Variants in ECHDC3 observed in about 807,000 individuals in gnomAD.
ECHDC3 encodes the protein enoyl-CoA hydratase domain containing 3, also known as enoyl-CoA hydratase domain-containing protein 3, mitochondrial.
In ECHDC3, 20 loss-of-function variants were observed where a neutral mutation model predicts 17.9. The observed-to-expected ratio is 1.12, with a 90% confidence interval of 0.79 to 1.63. The LOEUF (loss-of-function observed/expected upper bound fraction) is 1.63. Ranked by LOEUF, ECHDC3 falls within the 40% of genes most tolerant of loss-of-function variation. The pLI is 0.00. For synonymous variants in ECHDC3, 177 were observed against 149.7 expected (o/e 1.18, Z -1.33); for missense variants, 407 against 357.7 (o/e 1.14, Z -1.11).
chr10:11,756,008 A>G lies in ECHDC3; in HGVS notation c.591+400A>G, dbSNP rs573101071. 6.6e-5 allele frequency among the ~76,000 whole-genome samples: 10 copies of G among 152,376 alleles called. No individual in the cohort carries two copies. In the East Asian group the frequency reaches 9.6e-4, roughly 15 times the overall value. On this transcript the variant is annotated intron_variant, in intron 4 of 4. Coordinates refer to ENST00000379215, the MANE Select transcript of ECHDC3 (RefSeq NM_024693.5). ...CCATGAGATAGAATAGCGTACTGAC[A>G]TAATGCCAGTATCAAGAGCCTAGGA... is the stretch of plus-strand genomic sequence containing the variant.
In ECHDC3 at chr10:11,763,789, A is replaced by G. The variant is rs1588467250; in HGVS notation, c.*245A>G. 3 of 1,286,764 alleles carry G rather than the reference A, an allele frequency of 2.3e-6. No homozygotes were observed. The highest frequency in any genetic ancestry group is 3.0e-6 in the Non-Finnish European group (3 of 1,016,116). 79.7% of individuals were successfully genotyped at this position (1,286,764 alleles called of 1,614,324 possible). A position where few individuals can be genotyped will look rare whatever the true frequency, so the allele number is the denominator to read the frequency against. ...CCTGCAGCGGGCCAGCTATGGTGGGAAGCCTGGCATTTGGGGTGCTCCTTG... is the reference window on the plus strand; with the variant it reads ...CCTGCAGCGGGCCAGCTATGGTGGGGAGCCTGGCATTTGGGGTGCTCCTTG... On this transcript the variant is annotated 3_prime_UTR_variant, in exon 5 of 5. Coordinates refer to ENST00000379215, the MANE Select transcript of ECHDC3 (RefSeq NM_024693.5). The surrounding 1 kb of genome is among the most constrained non-coding windows in gnomAD (Gnocchi z 4.9).
intron 4 of ECHDC3, among the ~76,000 whole-genome samples, chr10:11,762,105 A>G (rs10752235): frequency 0.94 from 142,023 of 151,884 alleles, 67,209 homozygotes; most frequent in East Asian, 1. Flanking sequence ...TGGAGTTTAC[A>G]TGCTACAAAG....
intron 3 of ECHDC3, among the ~76,000 whole-genome samples, chr10:11,753,253 T>C (rs10159721): frequency 0.93 from 141,899 of 152,022 alleles, 67,070 homozygotes; most frequent in East Asian, 1. Flanking sequence ...TATGGTGGTG[T>C]ACACTTGTAA....
intron 2 of ECHDC3, among the ~76,000 whole-genome samples, chr10:11,748,517 AG>A (rs34762063): frequency 0.93 from 141,974 of 152,114 alleles, 67,101 homozygotes; most frequent in East Asian, 1. Context: ...TTGCAGAGAC[AG>A]GGGTCTCACT....
chr10:11,742,862 A>G, intron 1 of ECHDC3, 116 bp downstream of exon 1: 1 of 1,122,274 alleles, frequency 8.9e-7, no homozygotes. Flanking sequence ...CTGGGGAGGG[A>G]ACTCCCCGTG....
At position 11,749,555 on chromosome 10, in the gene ECHDC3, G is replaced by A. The variant is rs141899048; in HGVS notation, c.353G>A (p.Arg118His). Residue 118 changes from arginine to histidine, a missense_variant, in exon 3 of 5, where the codon CGT becomes CAT. Arg to His is a conservative substitution (Grantham distance 29, BLOSUM62 0). Transcript: ENST00000379215. ...AAGGAGCTGACAGAGGAGCAAGGCC[G>A]TGATTACCATGCCGAAGTATTTCAG... is the stretch of plus-strand genomic sequence containing the variant. Reference protein sequence around the residue: ...DLKELTEEQGRDYHAEVFQTC... With the variant: ...DLKELTEEQGHDYHAEVFQTC... 2.5e-5 allele frequency: 40 copies of A among 1,614,118 alleles called. No individual in the cohort carries two copies. Among genetic ancestry groups the A allele is most frequent in the African/African-American group, 5.3e-5 (4 of 75,032 alleles).
Position 11,749,592 on chromosome 10 carries a change from G to C in ECHDC3, c.390G>C (p.Lys130Asn), listed in dbSNP as rs202143598. The change falls in exon 3 of 5, where the codon AAG (lysine) becomes AAC (asparagine). Residue 130 changes from lysine to asparagine, a missense_variant and splice_region_variant. Transcript: ENST00000379215. ...CCGAAGTATTTCAGACCTGTTCCAA[G>C]GTAAGCCAAGACGACAGTCGACAGT... Reference protein sequence around the residue: ...YHAEVFQTCSKVMMHIRNHPV... With the variant: ...YHAEVFQTCSNVMMHIRNHPV... The C allele has an allele frequency of 1.2e-6, 2 of 1,613,944 alleles. No individual in the cohort carries two copies. Among genetic ancestry groups the C allele is most frequent in the South Asian group, 2.2e-5 (2 of 91,074 alleles).
intron 3 of ECHDC3, 172 bp from the exon 4 acceptor site, chr10:11,755,236 G>A: frequency 1.7e-6 from 1 of 575,150 alleles, no homozygotes; most frequent in Non-Finnish European, 3.0e-6. Context: ...TGAGGCAGGA[G>A]GATGGCTTGA....
chr10:11,742,766 G>A lies in ECHDC3; in HGVS notation c.170+20G>A. ...CATAAGGTCAGCCCCGGGCCGCGCG[G>A]GCTCCTCGCGTTGGTGCCGAGTCGG... On this transcript the variant is annotated intron_variant, in intron 1 of 4. Transcript: ENST00000379215. The A allele has an allele frequency of 8.2e-7, 1 of 1,225,068 alleles. No homozygotes were observed. Among genetic ancestry groups the A allele is most frequent in the Non-Finnish European group, 1.0e-6 (1 of 983,496 alleles). 75.9% of individuals were successfully genotyped at this position (1,225,068 alleles called of 1,614,324 possible).
At chr10:11,752,278 A>ATTTTTTTTTTTTTTTTTTTTTTTTT (rs58654458) in intron 3 of ECHDC3, 1 of 99,322 alleles carries the variant, frequency 1.0e-5, no homozygotes, top group African/African-American at 3.7e-5. Context: ...TGCCCGGTTA[A>ATTTTTTTTTTTTTTTTTTTTTTTTT]TTTTTTTTTT....
At chr10:11,744,385 A>T (rs929427962) in intron 1 of ECHDC3, among the ~76,000 whole-genome samples, 4 of 152,244 alleles carry the variant, frequency 2.6e-5, no homozygotes, top group Non-Finnish European at 5.9e-5. Flanking sequence ...GCTGTGAAAA[A>T]ATAGAAATGC....
intron 1 of ECHDC3, among the ~76,000 whole-genome samples, chr10:11,743,845 C>G (rs1042765322): frequency 1.6e-4 from 24 of 152,182 alleles, no homozygotes; most frequent in Non-Finnish European, 3.5e-4. Flanking sequence ...CTGGGCATGG[C>G]GGCCAGATGG....
At chr10:11,755,300 TG>T in intron 3 of ECHDC3, 107 bp from the exon 4 acceptor site, 1 of 1,034,920 alleles carries the variant, frequency 9.7e-7, no homozygotes, top group Non-Finnish European at 1.4e-6. Context: ...CACTCCATCC[TG>T]GGCAACAGAG....
chr10:11,760,743 C>T (rs770467724), intron 4 of ECHDC3, among the ~76,000 whole-genome samples: 9 of 152,336 alleles, frequency 5.9e-5, no homozygotes, highest in Middle Eastern at 3.4e-3. Flanking sequence ...CCAGCTGACA[C>T]GCAGTTCAGG....
chr10:11,750,585 C>G (rs1832812719), intron 3 of ECHDC3, among the ~76,000 whole-genome samples: 2 of 152,116 alleles, frequency 1.3e-5, no homozygotes, highest in South Asian at 4.1e-4. Flanking sequence ...AATAGTGAAT[C>G]CAGCTTTAAG....
At chr10:11,761,685 T>C (rs1370616333) in intron 4 of ECHDC3, among the ~76,000 whole-genome samples, 1 of 152,174 alleles carries the variant, frequency 6.6e-6, no homozygotes, top group Non-Finnish European at 1.5e-5. Flanking sequence ...GCACCCGGCC[T>C]CTCCGTGTGG....
At chr10:11,762,517 G>C (rs1448454959) in intron 4 of ECHDC3, among the ~76,000 whole-genome samples, 4 of 152,248 alleles carry the variant, frequency 2.6e-5, no homozygotes, top group Non-Finnish European at 5.9e-5. Context: ...GAGGAGCCAG[G>C]CTTGGTAGCG....
intron 1 of ECHDC3, among the ~76,000 whole-genome samples, chr10:11,744,931 T>G (rs1414544322): frequency 6.6e-6 from 1 of 152,062 alleles, no homozygotes; most frequent in East Asian, 1.9e-4. Context: ...AAGTCATCGG[T>G]GAAGTTGCCT....
At position 11,742,493 on chromosome 10, in the gene ECHDC3, G is replaced by T; in HGVS notation, c.-84G>T. ...TTCCGTCGAGTTCCGTCCCGGCCCT[G>T]CTCACAGCAGCGCCCTCGGAGCGCC... On this transcript the variant is annotated 5_prime_UTR_variant, in exon 1 of 5. Coordinates refer to ENST00000379215, the MANE Select transcript of ECHDC3 (RefSeq NM_024693.5). 1 of 1,211,366 alleles carries T rather than the reference G, an allele frequency of 8.3e-7. No homozygotes were observed. Among genetic ancestry groups the T allele is most frequent in the Non-Finnish European group, 1.0e-6 (1 of 966,410 alleles). The allele number at this position is 1,211,366 out of a possible 1,614,324, so 75.0% of individuals were successfully genotyped here.
Sources: gnomAD v4.1 joint callset for allele counts (sites outside exome capture counted in the v4.1 genomes callset) on GRCh38, gnomAD v4.1.1 for gene constraint, Gnocchi (gnomAD v3.1) non-coding constraint, MANE v1.5 for transcripts, NCBI Gene and HGNC (gene_info 2026-07-23, HGNC 2026-07-21) for gene names.